Variants in GALNT13 observed in about 807,000 individuals in gnomAD.
GALNT13 encodes the protein polypeptide N-acetylgalactosaminyltransferase 13, also known as UDP-GalNAc:polypeptide N-acetylgalactosaminyltransferase 13.
In GALNT13, 28 loss-of-function variants were observed where a neutral mutation model predicts 64.2. That is an observed-to-expected ratio of 0.44 (90% confidence interval 0.32 to 0.60). The LOEUF (loss-of-function observed/expected upper bound fraction) is 0.60, where lower values mean the gene tolerates loss of function less well. Among genes scored for constraint, GALNT13 ranks in the 20% least tolerant of loss-of-function variants. The pLI, the probability that GALNT13 is intolerant of heterozygous loss-of-function variation, is 0.05. For synonymous variants in GALNT13, 214 were observed against 224.6 expected (o/e 0.95, Z 0.42); for missense variants, 577 against 669.8 (o/e 0.86, Z 1.53).
chr2:153,814,627 G>T, the GALNT13 span, among the ~76,000 whole-genome samples: 1 of 152,128 alleles, frequency 6.6e-6, no homozygotes, highest in Non-Finnish European at 1.5e-5. Context: ...TACCATTGCA[G>T]CTACCTTTGG....
chr2:154,201,527 A>G (rs531507107), intron 4 of GALNT13, among the ~76,000 whole-genome samples: 13 of 152,198 alleles, frequency 8.5e-5, no homozygotes, highest in African/African-American at 3.1e-4. Flanking sequence ...TTAAAGTGTC[A>G]TGCGATTGGG....
the GALNT13 span, among the ~76,000 whole-genome samples, chr2:153,162,742 A>G: frequency 6.6e-6 from 1 of 152,230 alleles, no homozygotes; most frequent in African/African-American, 2.4e-5. Context: ...TACTAACACT[A>G]AATTCAGAAA....
the GALNT13 span, among the ~76,000 whole-genome samples, chr2:153,364,905 A>G: frequency 8.5e-5 from 13 of 152,154 alleles, no homozygotes; most frequent in African/African-American, 2.7e-4. Context: ...TAAATTTCCT[A>G]TGGAACCAAA....
At chr2:154,033,035 A>T (rs1698441617) in intron 3 of GALNT13, among the ~76,000 whole-genome samples, 1 of 151,906 alleles carries the variant, frequency 6.6e-6, no homozygotes, top group Non-Finnish European at 1.5e-5. Context: ...ACAAACCTAT[A>T]CCATTATTAT....
the GALNT13 span, among the ~76,000 whole-genome samples, chr2:153,701,437 A>C: frequency 5.3e-5 from 8 of 152,356 alleles, no homozygotes; most frequent in African/African-American, 1.7e-4. Flanking sequence ...AGGCATGGGC[A>C]AGGATTTCAT....
At chr2:153,070,944 T>C in the GALNT13 span, among the ~76,000 whole-genome samples, 1 of 152,226 alleles carries the variant, frequency 6.6e-6, no homozygotes, top group African/African-American at 2.4e-5. Flanking sequence ...TTTCTTCAAA[T>C]ATGACTTATG....
intron 3 of GALNT13, among the ~76,000 whole-genome samples, chr2:154,004,308 C>T (rs764026342): frequency 4.6e-5 from 7 of 152,100 alleles, no homozygotes; most frequent in Non-Finnish European, 1.0e-4. Context: ...CAGGTTCAAG[C>T]GATCCTCCTG....
chr2:153,659,247 A>G, the GALNT13 span, among the ~76,000 whole-genome samples: 1 of 152,098 alleles, frequency 6.6e-6, no homozygotes, highest in Non-Finnish European at 1.5e-5. Flanking sequence ...GCCAGATTCT[A>G]TATCTGCAAG....
At chr2:154,167,878 A>G (rs1685124502) in intron 4 of GALNT13, among the ~76,000 whole-genome samples, 1 of 152,164 alleles carries the variant, frequency 6.6e-6, no homozygotes, top group Non-Finnish European at 1.5e-5. Flanking sequence ...TGAGCAAGGT[A>G]AAGAAGGCAT....
chr2:154,315,480 T>C (rs1188295337), intron 9 of GALNT13, among the ~76,000 whole-genome samples: 1 of 152,186 alleles, frequency 6.6e-6, no homozygotes, highest in African/African-American at 2.4e-5. Context: ...TCTGCCTGAT[T>C]TTATCAGAAG....
intron 11 of GALNT13, among the ~76,000 whole-genome samples, chr2:154,429,996 G>T (rs1042184614): frequency 6.6e-6 from 1 of 152,158 alleles, no homozygotes; most frequent in Non-Finnish European, 1.5e-5. Context: ...AGGAAAAAAA[G>T]ATTCCTTTTA....
Position 154,409,054 on chromosome 2 carries a change from T to G in GALNT13, c.1367T>G (p.Phe456Cys). ...AAGGAAAATGAAAAAGTGGGTATAT[T>G]CAACTGTCATGGTATGGGAGGAAAT... ...GRKENEKVGI[F>C]NCHGMGGNQV... The change falls in exon 11 of 13, where the codon TTC becomes TGC. Residue 456 changes from phenylalanine (F) to cysteine (C), a missense_variant. By Grantham distance (205) the Phe-to-Cys change is radical. Coordinates refer to ENST00000392825, the MANE Select transcript of GALNT13 (RefSeq NM_052917.4). 6.2e-7 allele frequency: 1 copy of G among 1,609,608 alleles called. No individual in the cohort carries two copies. The highest frequency in any genetic ancestry group is 1.7e-5 in the Admixed American group (1 of 59,804).
intron 9 of GALNT13, among the ~76,000 whole-genome samples, chr2:154,363,376 G>T (rs550292413): frequency 8.5e-5 from 13 of 152,204 alleles, no homozygotes; most frequent in African/African-American, 3.1e-4. Context: ...GGAGCGGGGG[G>T]AAGCTCAAAT....
At chr2:153,636,550 C>G in the GALNT13 span, among the ~76,000 whole-genome samples, 1 of 152,070 alleles carries the variant, frequency 6.6e-6, no homozygotes, top group African/African-American at 2.4e-5. Context: ...CCACCCCAAT[C>G]AAAGACCTTG....
At chr2:154,007,917 T>C (rs1178966509) in intron 3 of GALNT13, among the ~76,000 whole-genome samples, 1 of 152,054 alleles carries the variant, frequency 6.6e-6, no homozygotes, top group African/African-American at 2.4e-5. Context: ...GAAATCTATC[T>C]TGTATTCAAC....
the GALNT13 span, among the ~76,000 whole-genome samples, chr2:153,503,807 G>A: frequency 1.3e-5 from 2 of 152,156 alleles, no homozygotes; most frequent in African/African-American, 4.8e-5. Context: ...ATAGTTTGAA[G>A]TTGGGTAATG....
rs376085762 is a variant in GALNT13 at position 154,073,811 on chromosome 2, G to T, written c.143-66526G>T. 2.6e-5 allele frequency among the ~76,000 whole-genome samples: 4 copies of T among 151,638 alleles called. No individual in the cohort carries two copies. The East Asian group carries it at 7.8e-4, about 29-fold the overall frequency. On this transcript the variant is annotated intron_variant, in intron 3 of 12. Transcript: ENST00000392825. ...GATATCTCAATTATCTGAAAAATCT[G>T]CCAGAATACTATTCCAATTTCTAAC...
At chr2:153,677,971 G>A in the GALNT13 span, among the ~76,000 whole-genome samples, 2 of 151,816 alleles carry the variant, frequency 1.3e-5, no homozygotes, top group Admixed American at 6.6e-5. Flanking sequence ...ATAGGTCCCA[G>A]CAAAGATTTA....
intron 7 of GALNT13, among the ~76,000 whole-genome samples, chr2:154,247,410 T>A (rs1188044699): frequency 6.6e-6 from 1 of 152,046 alleles, no homozygotes; most frequent in African/African-American, 2.4e-5. Context: ...GTGAAAACTA[T>A]CAGAATGCTT....
Sources: allele counts gnomAD v4.1 joint callset (sites outside exome capture counted in the v4.1 genomes callset), GRCh38; gene constraint gnomAD v4.1.1; transcripts MANE v1.5; gene names NCBI Gene and HGNC (gene_info 2026-07-23, HGNC 2026-07-21).